WBP2NL: variants seen among roughly 807,000 people sequenced by gnomAD.
WBP2NL encodes the protein postacrosomal sheath WW domain-binding protein.
WBP2NL carries 27 observed loss-of-function variants against 23.3 expected under a neutral mutation model. The observed-to-expected ratio is 1.16, with a 90% CI of 0.85 to 1.60. The LOEUF (loss-of-function observed/expected upper bound fraction) is 1.60, where lower values mean the gene tolerates loss of function less well. WBP2NL is among the 40% of genes most tolerant of loss of function. The pLI, the probability that WBP2NL is intolerant of heterozygous loss-of-function variation, is 0.00. For missense variants in WBP2NL, 370 were observed against 389.5 expected, an observed-to-expected ratio of 0.95 and a Z score of 0.42; for synonymous variants, 151 against 145.9, an observed-to-expected ratio of 1.03 and a Z score of -0.25.
At chr22:42,007,193 A>G (rs188010481) in intron 1 of WBP2NL, among the ~76,000 whole-genome samples, 1 of 152,160 alleles carries the variant, frequency 6.6e-6, no homozygotes, top group African/African-American at 2.4e-5. Flanking sequence ...CTCAACCCCT[A>G]ATCTGGAATA....
intron 1 of WBP2NL, among the ~76,000 whole-genome samples, chr22:42,015,056 T>G (rs776435780): frequency 2.6e-5 from 4 of 152,248 alleles, no homozygotes; most frequent in Non-Finnish European, 4.4e-5. Context: ...TTTGTTGTTG[T>G]TGAAAACTGG....
At chr22:42,005,990 G>T (rs1399735894) in intron 1 of WBP2NL, among the ~76,000 whole-genome samples, 1 of 152,138 alleles carries the variant, frequency 6.6e-6, no homozygotes, top group African/African-American at 2.4e-5. Context: ...TTTCTTTATT[G>T]ACTTTCTGGA....
intron 1 of WBP2NL, among the ~76,000 whole-genome samples, chr22:41,999,175 C>T (rs954634163): frequency 6.6e-6 from 1 of 152,146 alleles, no homozygotes; most frequent in Non-Finnish European, 1.5e-5. Context: ...GGAGGGGGTG[C>T]GAGACGCGTG....
At chr22:42,037,786 C>T (rs990265310), downstream of WBP2NL, among the ~76,000 whole-genome samples, 14 of 149,060 alleles carry the variant, frequency 9.4e-5, no homozygotes, top group Non-Finnish European at 1.8e-4. Flanking sequence ...CCTGAAACTA[C>T]GGAATTCATT....
At chr22:42,032,199 C>T (rs1482496786), downstream of WBP2NL, 2 of 152,198 alleles carry the variant, frequency 1.3e-5, no homozygotes, top group African/African-American at 2.4e-5. Context: ...GCTTCTGAAA[C>T]AGCCACTATC....
intron 1 of WBP2NL, among the ~76,000 whole-genome samples, chr22:42,013,106 C>T (rs973206261): frequency 6.6e-5 from 10 of 151,954 alleles, no homozygotes; most frequent in African/African-American, 2.4e-4. Context: ...GGCGTGGTGG[C>T]TTATGCCTGT....
chr22:42,044,687 C>T (rs181525436), intron 8 of WBP2NL, among the ~76,000 whole-genome samples: 36 of 152,282 alleles, frequency 2.4e-4, no homozygotes, highest in Non-Finnish European at 7.4e-5. Flanking sequence ...GCCTGTTAGT[C>T]CCAGCTACTG....
At chr22:42,040,225 TC>T (rs1316923333) in intron 8 of WBP2NL, among the ~76,000 whole-genome samples, 5 of 150,816 alleles carry the variant, frequency 3.3e-5, no homozygotes, top group Non-Finnish European at 5.9e-5. Flanking sequence ...CTTCTCTCTC[TC>T]TCTTTTTTTT....
chr22:42,053,686 C>G (rs1925921760), intron 8 of WBP2NL, among the ~76,000 whole-genome samples: 1 of 152,060 alleles, frequency 6.6e-6, no homozygotes, highest in Non-Finnish European at 1.5e-5. Context: ...TCTCGAACTC[C>G]TGACCTCATG....
At chr22:42,022,999 C>T (rs1386162960) in intron 5 of WBP2NL, among the ~76,000 whole-genome samples, 3 of 152,194 alleles carry the variant, frequency 2.0e-5, no homozygotes, top group African/African-American at 7.2e-5. Context: ...AAGGTTATTA[C>T]AGTCTAATAT....
At chr22:42,019,219 TC>T in intron 1 of WBP2NL, 91 bp from the exon 2 acceptor site, 1 of 1,035,800 alleles carries the variant, frequency 9.7e-7, no homozygotes, top group East Asian at 2.4e-5. Context: ...AGACTCTGTC[TC>T]AAAAAAAAAA....
intron 1 of WBP2NL, among the ~76,000 whole-genome samples, chr22:42,008,004 T>G (rs891645650): frequency 6.6e-6 from 1 of 152,132 alleles, no homozygotes; most frequent in Non-Finnish European, 1.5e-5. Flanking sequence ...AGCTACTCAT[T>G]TTACATTTCT....
At chr22:42,046,650 A>G (rs1184059951) in intron 8 of WBP2NL, among the ~76,000 whole-genome samples, 1 of 152,212 alleles carries the variant, frequency 6.6e-6, no homozygotes, top group Non-Finnish European at 1.5e-5. Context: ...TGGTTCTCAC[A>G]TATACTTCTA....
rs575325270 is a variant in WBP2NL, at chr22:42,015,415, T to A, written c.63-3896T>A. Among the ~76,000 whole-genome samples the A allele has an allele frequency of 5.3e-5, 8 of 152,280 alleles. No individual in the cohort carries two copies. In the South Asian group the frequency reaches 1.0e-3, roughly 20 times the overall value. On this transcript the variant is annotated intron_variant, in intron 1 of 5. Transcript: ENST00000328823. Reference sequence around the variant, plus strand: ...ACTTCTTTTTGCATCATTTCCTTTTTTTTTTGAGACAGAGTCTTGCTCTGT... The same window carrying A: ...ACTTCTTTTTGCATCATTTCCTTTTATTTTTGAGACAGAGTCTTGCTCTGT...
intron 5 of WBP2NL, among the ~76,000 whole-genome samples, chr22:42,024,405 A>C (rs1924282757): frequency 6.6e-6 from 1 of 152,176 alleles, no homozygotes; most frequent in Non-Finnish European, 1.5e-5. Context: ...TTTTTGAGGA[A>C]CCACCAACTA....
At position 42,019,714 on chromosome 22, in the gene WBP2NL, T is replaced by C. The variant is rs760986847; in HGVS notation, c.224T>C (p.Met75Thr). ...SISDPMLSFM[M>T]PFDLMTNLTV... ...AGTGATCCCATGTTGTCTTTTATGA[T>C]GCCATTTGATCTGATGACGAACCTC... The change falls in exon 3 of 6, where the codon ATG becomes ACG. Residue 75 changes from methionine (M) to threonine (T), a missense_variant. By Grantham distance (81) the Met-to-Thr change is moderately conservative (BLOSUM62 -1). Coordinates refer to ENST00000328823, the MANE Select transcript of WBP2NL (RefSeq NM_152613.3). The C allele has an allele frequency of 6.2e-7, 1 of 1,614,238 alleles. No individual in the cohort carries two copies. The highest frequency in any genetic ancestry group is 8.5e-7 in the Non-Finnish European group (1 of 1,180,046).
At chr22:42,051,143 T>A (rs1211785711) in intron 8 of WBP2NL, among the ~76,000 whole-genome samples, 3 of 152,370 alleles carry the variant, frequency 2.0e-5, no homozygotes, top group East Asian at 3.8e-4. Flanking sequence ...CAATGGGATA[T>A]TATTCATTTA....
chr22:42,009,985 A>ATGTTTTATAGTTTTCAG, intron 1 of WBP2NL, among the ~76,000 whole-genome samples: 1 of 152,250 alleles, frequency 6.6e-6, no homozygotes, highest in South Asian at 2.1e-4. Context: ...TTTTTCACTA[A>ATGTTTTATAGTTTTCAG]TGTTTTATAG....
chr22:42,006,600 A>G (rs1418098489), intron 1 of WBP2NL, among the ~76,000 whole-genome samples: 1 of 152,232 alleles, frequency 6.6e-6, no homozygotes, highest in Admixed American at 6.5e-5. Context: ...AATGTAAAAA[A>G]GACTGCCTTG....
Sources: gnomAD v4.1 joint callset for allele counts (sites outside exome capture counted in the v4.1 genomes callset) on GRCh38, gnomAD v4.1.1 for gene constraint, MANE v1.5 for transcripts, NCBI Gene and HGNC (gene_info 2026-07-23, HGNC 2026-07-21) for gene names.